The following IRAK1 variants were observed in gnomAD, a reference collection of about 807,000 sequenced individuals.
The protein encoded by IRAK1 is interleukin 1 receptor associated kinase 1, also known as interleukin-1 receptor-associated kinase 1.
In IRAK1, 9 loss-of-function variants were observed where a neutral mutation model predicts 49.8. The observed-to-expected ratio is 0.18, with a 90% CI of 0.11 to 0.32. The LOEUF is 0.32. Among genes scored for constraint, IRAK1 ranks in the 10% least tolerant of loss-of-function variants. The probability of loss-of-function intolerance (pLI) is 1.00; values close to 1 mark genes in which losing one functional copy is unlikely to be tolerated. For synonymous variants in IRAK1, 282 were observed against 270.8 expected (o/e 1.04, Z -0.41); for missense variants, 418 against 600.5 (o/e 0.70, Z 3.18).
chrX:154,012,613 G>A lies in IRAK1; in HGVS notation c.1996C>T (p.Arg666Ter). Residue 666 changes from arginine (R) to a stop codon, truncating the protein, a stop_gained, in exon 13 of 14, where the codon CGA (arginine) becomes TGA (stop). Coordinates refer to ENST00000369980, the MANE Select transcript of IRAK1 (RefSeq NM_001569.4). LOFTEE classifies it high-confidence loss of function. The part of the protein sequence containing the change: ...EPPQIIINPA[R>*]QKMVQKLALY... ...GCCAGCTTCTGGACCATCTTCTGTC[G>A]GGCAGGGTTGATGATAATCTGCGGT... 1 of 1,210,378 alleles carries A rather than the reference G, an allele frequency of 8.3e-7. No individual in the cohort carries two copies. Among genetic ancestry groups the A allele is most frequent in the Non-Finnish European group, 1.1e-6 (1 of 894,873 alleles).
At chrX:154,014,349 C>A in intron 10 of IRAK1, 71 bp from the exon 11 acceptor site, 6 of 871,226 alleles carry the variant, frequency 6.9e-6, no homozygotes, top group South Asian at 2.3e-5. Flanking sequence ...AGGTCCTTGT[C>A]ACTCAATCGT....
chrX:154,017,984 G>A lies in IRAK1; in HGVS notation c.909+22C>T, dbSNP rs1267351588. On this transcript the variant is annotated intron_variant, in intron 7 of 13. Coordinates refer to ENST00000369980, the MANE Select transcript of IRAK1 (RefSeq NM_001569.4). ...AGGAGTGCTTTGGGTCCTGGGAAGCGTGCCGGGCCAGGTGAGCCTACCTGG... is the reference window on the plus strand; with the variant it reads ...AGGAGTGCTTTGGGTCCTGGGAAGCATGCCGGGCCAGGTGAGCCTACCTGG... The A allele has an allele frequency of 7.2e-6, 8 of 1,108,665 alleles. No homozygotes were observed. The African/African-American group carries it at 9.1e-5, about 13-fold the overall frequency. The allele number at this position is 1,108,665 out of a possible 1,213,427, so 91.4% of individuals were successfully genotyped here. A position where few individuals can be genotyped will look rare whatever the true frequency, so the allele number is the denominator to read the frequency against.
At chrX:154,019,651 C>A in intron 1 of IRAK1, 26 bp downstream of exon 1, 10 of 958,070 alleles carry the variant, frequency 1.0e-5, no homozygotes, top group Non-Finnish European at 1.3e-5. Context: ...GCGCCTCCCG[C>A]CCCCCGGCAG....
chrX:154,014,132 C>A lies in IRAK1; in HGVS notation c.1449G>T (p.Gly483=). 1 of 1,208,181 alleles carries A rather than the reference C, an allele frequency of 8.3e-7. No homozygotes were observed. Among genetic ancestry groups the A allele is most frequent in the Non-Finnish European group, 1.1e-6 (1 of 894,064 alleles). ...IYKKHLDPRP[G]PCPPELGLGL... is the part of the protein sequence containing the mutation. ...CCAGGCCCAGCTCAGGTGGGCAGGGCCCGGGCCTGGGGTCCAGGTGCTTCT... is the reference window on the plus strand; with the variant it reads ...CCAGGCCCAGCTCAGGTGGGCAGGGACCGGGCCTGGGGTCCAGGTGCTTCT... The change falls in exon 11 of 14, where the codon GGG becomes GGT. Residue 483 remains glycine (G), a synonymous_variant. Transcript: ENST00000369980.
chrX:154,012,378 A>G, intron 13 of IRAK1, 151 bp downstream of exon 13: 3 of 568,074 alleles, frequency 5.3e-6, no homozygotes, highest in Non-Finnish European at 8.2e-6. Context: ...TAAGGGAGGC[A>G]TGTGGGGCCG....
Position 154,016,989 on chromosome X carries a change from G to A in IRAK1, c.988C>T (p.His330Tyr). The change falls in exon 8 of 14, where the codon CAT (histidine) becomes TAT (tyrosine). Residue 330 changes from histidine to tyrosine, a missense_variant. By Grantham distance (83) the His-to-Tyr change is moderately conservative. This residue lies in a region of IRAK1 where 377 missense variants were observed against 499.5 expected (regional missense o/e 0.75). Transcript: ENST00000369980. ...LGTARAIQFL[H>Y]QDSPSLIHGD... ...TGGATGAGGCTGGGGCTGTCCTGAT[G>A]TAGAAACTGAATTGCCCGGGCTGTA... is the stretch of plus-strand genomic sequence containing the variant. 8.3e-7 allele frequency: 1 copy of A among 1,209,719 alleles called. No homozygotes were observed. The highest frequency in any genetic ancestry group is 1.1e-6 in the Non-Finnish European group (1 of 893,279).
rs782133738 is a variant in IRAK1 at position 154,013,028 on chromosome X, C to T, written c.1930+15G>A. 8.3e-6 allele frequency: 10 copies of T among 1,204,328 alleles called. No homozygotes were observed. The South Asian group carries it at 8.9e-5, about 11-fold the overall frequency. ...GGCCTTGGTCCCTCTCCTGGGAACCCGTCTCCCCAGCTACCTTCCACGGCT... is the reference window on the plus strand; with the variant it reads ...GGCCTTGGTCCCTCTCCTGGGAACCTGTCTCCCCAGCTACCTTCCACGGCT... On this transcript the variant is annotated intron_variant, in intron 12 of 13. Coordinates refer to ENST00000369980, the MANE Select transcript of IRAK1 (RefSeq NM_001569.4).
In IRAK1 at chrX:154,019,308, G is replaced by A. The variant is rs200423500; in HGVS notation, c.325C>T (p.Pro109Ser). 3.4e-6 allele frequency: 4 copies of A among 1,173,094 alleles called. No homozygotes were observed. The Admixed American group carries it at 7.2e-5, about 21-fold the overall frequency. The stretch of plus-strand genomic sequence containing the variant: ...CTCGGGGCAGTGGTGCCTGGGGACG[G>A]AAGCGGGGCGGGAGGGTGCCCTGGG... ...ITAWHPPAPL[P>S]SPGTTAPRPS... Residue 109 changes from proline to serine, a missense_variant, in exon 3 of 14, where the codon CCG (proline) becomes TCG (serine). This residue lies in a region of IRAK1 where 377 missense variants were observed against 499.5 expected (regional missense o/e 0.75). Transcript: ENST00000369980.
rs782406832 is a variant in IRAK1, at chrX:154,011,711, G to C, written c.*148C>G. On this transcript the variant is annotated 3_prime_UTR_variant, in exon 14 of 14. Transcript: ENST00000369980. ...TGCCTGCCTATGCCCACAGAGCCTA[G>C]AACAGCAGGGCCACCTCCTTCTCTC... 1.7e-6 allele frequency: 1 copy of C among 578,774 alleles called. No homozygotes were observed. The highest frequency in any genetic ancestry group is 3.0e-6 in the Non-Finnish European group (1 of 329,865). 47.7% of individuals were successfully genotyped at this position (578,774 alleles called of 1,213,427 possible).
rs1557127256 is a variant in IRAK1 at position 154,010,986 on chromosome X, G to A, written c.*873C>T. ...CAGTAAAGCCTGAAGACACTGGCCCGAGGTTGGAGGTGGGTGCTGCTCGAC... is the reference window on the plus strand; with the variant it reads ...CAGTAAAGCCTGAAGACACTGGCCCAAGGTTGGAGGTGGGTGCTGCTCGAC... On this transcript the variant is annotated 3_prime_UTR_variant, in exon 14 of 14. Transcript: ENST00000369980. 8.8e-6 allele frequency: 3 copies of A among 341,258 alleles called. No individual in the cohort carries two copies. Among genetic ancestry groups the A allele is most frequent in the South Asian group, 5.2e-5 (2 of 38,485 alleles). 28.1% of individuals were successfully genotyped at this position (341,258 alleles called of 1,213,427 possible). A position where few individuals can be genotyped will look rare whatever the true frequency, so the allele number is the denominator to read the frequency against.
intron 5 of IRAK1, 75 bp downstream of exon 5, chrX:154,018,524 G>A (rs1309101074): frequency 2.4e-5 from 23 of 958,304 alleles, no homozygotes; most frequent in East Asian, 3.1e-5. Flanking sequence ...GTGGGGAAGC[G>A]AGGGGGAAAG....
At chrX:154,016,747 A>C (rs932934185) in intron 8 of IRAK1, 103 bp from the exon 9 acceptor site, 2 of 756,875 alleles carry the variant, frequency 2.6e-6, no homozygotes, top group Non-Finnish European at 3.9e-6. Flanking sequence ...CCTTGCCCAC[A>C]GAAAGCGCTG....
At position 154,019,299 on chromosome X, in the gene IRAK1, C is replaced by T. The variant is rs2065764315; in HGVS notation, c.334G>A (p.Gly112Ser). 8.5e-7 allele frequency: 1 copy of T among 1,179,530 alleles called. No individual in the cohort carries two copies. The change falls in exon 3 of 14, where the codon GGC (glycine) becomes AGC (serine). Residue 112 changes from glycine (G) to serine (S), a missense_variant. By Grantham distance (56) the Gly-to-Ser change is moderately conservative (BLOSUM62 0). Transcript: ENST00000369980. Reference protein sequence around the residue: ...WHPPAPLPSPGTTAPRPSSIP... With the variant: ...WHPPAPLPSPSTTAPRPSSIP... ...CTGCTGGGCCTCGGGGCAGTGGTGC[C>T]TGGGGACGGAAGCGGGGCGGGAGGG... is the stretch of plus-strand genomic sequence containing the variant.
chrX:154,019,671 AC>A lies in IRAK1; in HGVS notation c.136+5del. On this transcript the variant is annotated splice_donor_5th_base_variant and intron_variant, in intron 1 of 13. Transcript: ENST00000369980. ...TCCCGCCCCCCGGCAGCCCGCCGCC[AC>A]CCACCGAACTGGCACCAGTCGGCGG... is the stretch of plus-strand genomic sequence containing the variant. 1 of 970,097 alleles carries A rather than the reference AC, an allele frequency of 1.0e-6. No individual in the cohort carries two copies. Among genetic ancestry groups the A allele is most frequent in the Non-Finnish European group, 1.3e-6 (1 of 775,733 alleles). 79.9% of individuals were successfully genotyped at this position (970,097 alleles called of 1,213,427 possible).
At chrX:154,014,330 G>C (rs781938198) in intron 10 of IRAK1, 52 bp from the exon 11 acceptor site, 8 of 1,118,139 alleles carry the variant, frequency 7.2e-6, no homozygotes, top group East Asian at 3.1e-5. Flanking sequence ...ACCTGCAGCT[G>C]CAGTCCTCAG....
rs782357859 is a variant in IRAK1, at chrX:154,014,109, A to G, written c.1472T>C (p.Leu491Pro). 3.4e-5 allele frequency: 41 copies of G among 1,194,321 alleles called. No homozygotes were observed. Among genetic ancestry groups the G allele is most frequent in the African/African-American group, 8.9e-5 (5 of 56,098 alleles). The change falls in exon 11 of 14, where the codon CTG becomes CCG. Residue 491 changes from leucine (L) to proline (P), a missense_variant. Coordinates refer to ENST00000369980, the MANE Select transcript of IRAK1 (RefSeq NM_001569.4). ...RPGPCPPELG[L>P]GLGQLACCCL... is the part of the protein sequence containing the mutation. ...GCAGCAGGCCAGCTGGCCCAGGCCC[A>G]GGCCCAGCTCAGGTGGGCAGGGCCC...
intron 7 of IRAK1, among the ~76,000 whole-genome samples, chrX:154,017,352 C>T (rs2065746720): frequency 8.9e-6 from 1 of 112,574 alleles, no homozygotes; most frequent in African/African-American, 3.2e-5. Context: ...TCCCCAAACG[C>T]AGCATGCAGG....
Position 154,011,125 on chromosome X carries a change from C to A in IRAK1, c.*734G>T, listed in dbSNP as rs1467118285. ...TTTGAAACAGGGTCTTGCTCTGTCA[C>A]CCAGGCTGGAGTGCAGTCATACAAT... On this transcript the variant is annotated 3_prime_UTR_variant, in exon 14 of 14. Transcript: ENST00000369980. The A allele has an allele frequency of 3.0e-6, 1 of 337,518 alleles. No individual in the cohort carries two copies. Among genetic ancestry groups the A allele is most frequent in the Non-Finnish European group, 5.9e-6 (1 of 169,548 alleles). The allele number at this position is 337,518 out of a possible 1,213,427, so 27.8% of individuals were successfully genotyped here. A position where few individuals can be genotyped will look rare whatever the true frequency, so the allele number is the denominator to read the frequency against.
Position 154,018,071 on chromosome X carries a change from C to T in IRAK1, c.844G>A (p.Gly282Ser), listed in dbSNP as rs781836564. The change falls in exon 7 of 14, where the codon GGC (glycine) becomes AGC (serine). Residue 282 changes from glycine (G) to serine (S), a missense_variant. Gly to Ser is a moderately conservative substitution (Grantham distance 56). Around this residue, in one of 3 missense-constraint regions of IRAK1, gnomAD observed 377 missense variants for 499.5 expected, o/e 0.75. Transcript: ENST00000369980. ...VDFAGYCAQN[G>S]FYCLVYGFLP... ...AAGCCGTACACCAGGCAGTAGAAGC[C>T]GTTCTGAGCACAGTAGCCAGCAAAG... 12 of 1,210,298 alleles carry T rather than the reference C, an allele frequency of 9.9e-6. No homozygotes were observed. The African/African-American group carries it at 1.2e-4, about 12-fold the overall frequency.
Sources: gnomAD v4.1 joint callset for allele counts (sites outside exome capture counted in the v4.1 genomes callset) on GRCh38, gnomAD v4.1.1 for gene constraint, gnomAD v4.1.1 regional missense constraint, MANE v1.5 for transcripts, NCBI Gene and HGNC (gene_info 2026-07-23, HGNC 2026-07-21) for gene names.